DOCK3: variants seen among roughly 807,000 people sequenced by gnomAD.
DOCK3 encodes the protein dedicator of cytokinesis protein 3.
Under a neutral mutation model 265.6 loss-of-function variants are expected in DOCK3, and 60 were observed. The observed-to-expected ratio is 0.23, with a 90% CI of 0.18 to 0.28. The LOEUF (loss-of-function observed/expected upper bound fraction) is 0.28. Ranked by LOEUF, DOCK3 falls within the 10% of genes least tolerant of loss-of-function variation. DOCK3 has a pLI of 1.00. For missense variants in DOCK3, 1,981 were observed against 2,594.3 expected, an observed-to-expected ratio of 0.76 and a Z score of 5.14; for synonymous variants, 881 against 938.0, an observed-to-expected ratio of 0.94 and a Z score of 1.11.
At chr3:51,137,150 A>G (rs1328755530) in intron 9 of DOCK3, among the ~76,000 whole-genome samples, 1 of 152,216 alleles carries the variant, frequency 6.6e-6, no homozygotes, top group Non-Finnish European at 1.5e-5. Flanking sequence ...GTGCTTTAAA[A>G]TAAAGTGGGA....
intron 4 of DOCK3, among the ~76,000 whole-genome samples, chr3:50,903,609 T>C (rs534686505): frequency 6.6e-6 from 1 of 152,280 alleles, no homozygotes; most frequent in East Asian, 1.9e-4. Flanking sequence ...TCATCAGGTA[T>C]ATTGGCCTCA....
intron 14 of DOCK3, among the ~76,000 whole-genome samples, chr3:51,219,382 G>A (rs1340920992): frequency 6.6e-6 from 1 of 152,058 alleles, no homozygotes; most frequent in Non-Finnish European, 1.5e-5. Context: ...CTGGGGTGGG[G>A]TATCATGTAC....
chr3:51,381,725 C>T lies in DOCK3; in HGVS notation c.*166C>T. The T allele has an allele frequency of 1.1e-6, 1 of 936,916 alleles. No homozygotes were observed. Among genetic ancestry groups the T allele is most frequent in the East Asian group, 2.7e-5 (1 of 36,658 alleles). The allele number at this position is 936,916 out of a possible 1,614,324, so 58.0% of individuals were successfully genotyped here. Reference sequence around the variant, plus strand: ...CTACTGCCGTGAACTCATGTGTTGCCATGTACAGAGGCCACAGCAGCATGA... The same window carrying T: ...CTACTGCCGTGAACTCATGTGTTGCTATGTACAGAGGCCACAGCAGCATGA... On this transcript the variant is annotated 3_prime_UTR_variant, in exon 53 of 53. Coordinates refer to ENST00000266037, the MANE Select transcript of DOCK3 (RefSeq NM_004947.5). The surrounding 1 kb of genome is among the most constrained non-coding windows in gnomAD (Gnocchi z 5.6).
At chr3:50,984,828 A>T (rs532693423) in intron 5 of DOCK3, among the ~76,000 whole-genome samples, 3 of 152,370 alleles carry the variant, frequency 2.0e-5, no homozygotes, top group East Asian at 3.9e-4. Flanking sequence ...ACAGAAATTT[A>T]AAAATAATAT....
At chr3:51,225,110 C>T (rs1042751189) in intron 14 of DOCK3, among the ~76,000 whole-genome samples, 15 of 152,066 alleles carry the variant, frequency 9.9e-5, no homozygotes, top group African/African-American at 3.6e-4. Flanking sequence ...CTACCTGTCA[C>T]TCCAGCAGGG....
chr3:51,139,807 G>C (rs1341168977), intron 9 of DOCK3, among the ~76,000 whole-genome samples: 2 of 152,226 alleles, frequency 1.3e-5, no homozygotes. Context: ...CTGAAGGATG[G>C]CAGTGAGCCA....
At chr3:50,917,591 A>T (rs962320288) in intron 4 of DOCK3, among the ~76,000 whole-genome samples, 23 of 151,760 alleles carry the variant, frequency 1.5e-4, no homozygotes, top group Admixed American at 3.9e-4. Context: ...GTTTTTTAAA[A>T]TTTTTCTTCA....
intron 7 of DOCK3, among the ~76,000 whole-genome samples, chr3:51,085,310 T>C (rs1401378625): frequency 1.3e-5 from 2 of 152,190 alleles, no homozygotes; most frequent in African/African-American, 4.8e-5. Flanking sequence ...CTCTGTTCTA[T>C]AGAACAAATG....
At chr3:51,347,312 TG>T (rs1407916666) in intron 38 of DOCK3, among the ~76,000 whole-genome samples, 2 of 152,350 alleles carry the variant, frequency 1.3e-5, no homozygotes, top group South Asian at 2.1e-4. Context: ...AATTAATTTT[TG>T]TACGAGGTGT....
chr3:51,072,263 A>C (rs576900998), intron 6 of DOCK3, among the ~76,000 whole-genome samples: 1 of 152,314 alleles, frequency 6.6e-6, no homozygotes, highest in South Asian at 2.1e-4. Flanking sequence ...GCTTGCCATG[A>C]TGCTAACTAA....
At chr3:51,178,254 A>G (rs2107697870) in intron 12 of DOCK3, among the ~76,000 whole-genome samples, 1 of 152,286 alleles carries the variant, frequency 6.6e-6, no homozygotes, top group Middle Eastern at 3.4e-3. Context: ...ACATACACCT[A>G]TTGTAAGGTT....
At chr3:51,342,293 A>G (rs1418777970) in intron 38 of DOCK3, among the ~76,000 whole-genome samples, 4 of 152,262 alleles carry the variant, frequency 2.6e-5, no homozygotes, top group Non-Finnish European at 4.4e-5. Flanking sequence ...TTCCCCATAC[A>G]GAGAATGCAC....
chr3:51,058,540 ATG>A (rs1269772800), intron 5 of DOCK3, among the ~76,000 whole-genome samples: 2 of 152,206 alleles, frequency 1.3e-5, no homozygotes, highest in Non-Finnish European at 1.5e-5. Context: ...TTACATGTGT[ATG>A]TGTGTATATA....
chr3:51,297,553 A>G (rs1387998293), intron 27 of DOCK3, among the ~76,000 whole-genome samples: 2 of 152,210 alleles, frequency 1.3e-5, no homozygotes, highest in Admixed American at 6.5e-5. Context: ...GAAGACAGAC[A>G]CATAGCCAAT....
intron 2 of DOCK3, among the ~76,000 whole-genome samples, chr3:50,795,294 C>G (rs1241886672): frequency 6.6e-6 from 1 of 152,120 alleles, no homozygotes; most frequent in Non-Finnish European, 1.5e-5. Context: ...TTGGAGGAAG[C>G]TCTCATTGTT....
chr3:50,916,112 C>T (rs746532849), intron 4 of DOCK3, among the ~76,000 whole-genome samples: 9 of 152,038 alleles, frequency 5.9e-5, no homozygotes, highest in Non-Finnish European at 1.2e-4. Flanking sequence ...GACATGGTGT[C>T]GGCTCCTTCT....
chr3:51,338,999 A>T lies in DOCK3; in HGVS notation c.3737A>T (p.Asp1246Val). ...MYIRYIHKLCDMHLQAENYTE... is the reference protein window; with the variant it reads ...MYIRYIHKLCVMHLQAENYTE... ...ATCCGCTACATCCATAAGCTTTGTG[A>T]CATGCACTTGCAGGCCGAAAACTAC... Residue 1246 changes from aspartate to valine, a missense_variant, in exon 37 of 53, where the codon GAC becomes GTC. Coordinates refer to ENST00000266037, the MANE Select transcript of DOCK3 (RefSeq NM_004947.5). The T allele has an allele frequency of 6.2e-7, 1 of 1,607,324 alleles. No homozygotes were observed. Among genetic ancestry groups the T allele is most frequent in the Non-Finnish European group, 8.5e-7 (1 of 1,176,732 alleles).
chr3:51,358,091 T>C lies in DOCK3; in HGVS notation c.4884+14T>C, dbSNP rs770060308. 1.2e-6 allele frequency: 2 copies of C among 1,611,602 alleles called. No homozygotes were observed. The highest frequency in any genetic ancestry group is 1.3e-5 in the African/African-American group (1 of 74,894). ...AGTCTCTACCATGTAAGTTGATCCC[T>C]GTCCTGCCCCTGCTGCAGTAGAACC... is the stretch of plus-strand genomic sequence containing the variant. On this transcript the variant is annotated intron_variant, in intron 46 of 52. Transcript: ENST00000266037.
chr3:51,281,796 T>G (rs1456899493), intron 27 of DOCK3, among the ~76,000 whole-genome samples: 1 of 152,174 alleles, frequency 6.6e-6, no homozygotes, highest in African/African-American at 2.4e-5. Context: ...ATCTGCCCTT[T>G]TGGTCAGAGC....
Sources: gnomAD v4.1 joint callset for allele counts (sites outside exome capture counted in the v4.1 genomes callset) on GRCh38, gnomAD v4.1.1 for gene constraint, Gnocchi (gnomAD v3.1) non-coding constraint, MANE v1.5 for transcripts, NCBI Gene and HGNC (gene_info 2026-07-23, HGNC 2026-07-21) for gene names.